Variants in PUM1 observed in about 807,000 individuals in gnomAD.
The protein encoded by PUM1 is pumilio RNA binding family member 1, also known as pumilio homolog 1.
A neutral mutation model predicts 131.8 loss-of-function variants in PUM1; 13 were observed. The observed-to-expected ratio is 0.10, with a 90% CI of 0.06 to 0.16. The LOEUF is 0.16. Ranked by LOEUF, PUM1 falls within the 10% of genes least tolerant of loss-of-function variation. The probability of loss-of-function intolerance (pLI) is 1.00; values close to 1 mark genes in which losing one functional copy is unlikely to be tolerated. For synonymous variants in PUM1, 509 were observed against 556.5 expected (o/e 0.91, Z 1.20); for missense variants, 961 against 1,512.4 (o/e 0.64, Z 6.05).
At chr1:30,997,673 T>C (rs565626319) in intron 5 of PUM1, among the ~76,000 whole-genome samples, 7 of 152,268 alleles carry the variant, frequency 4.6e-5, no homozygotes, top group African/African-American at 1.7e-4. Context: ...TCAGCTCTTC[T>C]ACATGCTGAC....
chr1:30,995,255 C>A, intron 5 of PUM1, 35 bp from the exon 6 acceptor site: 4 of 1,611,412 alleles, frequency 2.5e-6, no homozygotes, highest in Non-Finnish European at 3.4e-6. Flanking sequence ...CACTAATCGT[C>A]ATCAACTAAT....
rs189401714 is a variant in PUM1, at chr1:31,029,562, G to C, written c.364-698C>G. On this transcript the variant is annotated intron_variant, in intron 2 of 21. Coordinates refer to ENST00000426105, the MANE Select transcript of PUM1 (RefSeq NM_001020658.2). The stretch of plus-strand genomic sequence containing the variant: ...AAGGTAATAACATCAAGGATGATGT[G>C]TGAAATAGATTATTCAAAACAGTTA... Among the ~76,000 whole-genome samples the C allele has an allele frequency of 9.8e-4, 150 of 152,336 alleles. No individual in the cohort carries two copies. The Middle Eastern group carries it at 0.014, about 14-fold the overall frequency.
chr1:30,933,439 TACAC>T (rs58664754), intron 21 of PUM1, 97 bp from the exon 22 acceptor site: 28,983 of 359,384 alleles, frequency 0.081, 278 homozygotes, highest in African/African-American at 0.11. Context: ...CACACACACA[TACAC>T]ACACACACAC....
At chr1:30,941,516 T>A (rs1005901692) in intron 19 of PUM1, among the ~76,000 whole-genome samples, 1 of 152,230 alleles carries the variant, frequency 6.6e-6, no homozygotes, top group African/African-American at 2.4e-5. Flanking sequence ...GGGAGTGTTA[T>A]GGCAGTAAAT....
chr1:30,947,657 T>G (rs976255934), intron 17 of PUM1, among the ~76,000 whole-genome samples: 1 of 152,172 alleles, frequency 6.6e-6, no homozygotes, highest in African/African-American at 2.4e-5. Context: ...CTCTGTACAT[T>G]GGCTAAACTG....
chr1:31,010,644 C>T (rs892787400), intron 3 of PUM1, among the ~76,000 whole-genome samples: 20 of 152,166 alleles, frequency 1.3e-4, no homozygotes, highest in South Asian at 2.1e-4. Flanking sequence ...TGAGATCCTC[C>T]GTCCAACAAC....
chr1:31,021,587 T>G (rs965083300), intron 3 of PUM1, among the ~76,000 whole-genome samples: 7 of 152,196 alleles, frequency 4.6e-5, no homozygotes, highest in Admixed American at 1.3e-4. Flanking sequence ...CAAATCATTA[T>G]GTATAAAACA....
intron 11 of PUM1, 142 bp downstream of exon 11, chr1:30,968,212 G>T: frequency 1.8e-6 from 2 of 1,112,738 alleles, no homozygotes; most frequent in Non-Finnish European, 2.7e-6. Flanking sequence ...CTAAGTGAGG[G>T]CAAGTGTGTA....
intron 7 of PUM1, among the ~76,000 whole-genome samples, chr1:30,986,017 C>A (rs1641543572): frequency 6.6e-6 from 1 of 151,918 alleles, no homozygotes. Flanking sequence ...TGCAGTGGTG[C>A]GATCTTGGCT....
chr1:30,957,374 G>C (rs1640212063), intron 14 of PUM1, among the ~76,000 whole-genome samples: 1 of 152,074 alleles, frequency 6.6e-6, no homozygotes, highest in African/African-American at 2.4e-5. Flanking sequence ...ATCTCATTTA[G>C]ATGGCGAATG....
intron 3 of PUM1, among the ~76,000 whole-genome samples, chr1:31,020,056 C>T (rs1642965275): frequency 6.6e-6 from 1 of 152,100 alleles, no homozygotes; most frequent in African/African-American, 2.4e-5. Context: ...CAACCCTTGC[C>T]TCCCTCCTTC....
rs776728031 is a variant in PUM1, at chr1:30,933,301, G to A, written c.3477C>T (p.Gly1159=). ...TCTCCAGCTTGGCCAGAATGTGCTT[G>A]CCATAGGTGTACTTACGAAGAGTTG... ...HIATLRKYTY[G]KHILAKLEKY... is the part of the protein sequence containing the mutation. The change falls in exon 22 of 22, where the codon GGC becomes GGT. Residue 1159 remains glycine, a synonymous_variant. Coordinates refer to ENST00000426105, the MANE Select transcript of PUM1 (RefSeq NM_001020658.2). 30 of 1,613,664 alleles carry A rather than the reference G, an allele frequency of 1.9e-5. No individual in the cohort carries two copies. Among genetic ancestry groups the A allele is most frequent in the Non-Finnish European group, 2.3e-5 (27 of 1,179,766 alleles).
At position 31,060,725 on chromosome 1, in the gene PUM1, G is replaced by A. The variant is rs558049316; in HGVS notation, c.-11-1148C>T. Reference sequence around the variant, plus strand: ...ACATTATGAAACCCCATCTCTACTGGAAATACAAAAATTAACTGGGTGTGG... The same window carrying A: ...ACATTATGAAACCCCATCTCTACTGAAAATACAAAAATTAACTGGGTGTGG... On this transcript the variant is annotated intron_variant, in intron 1 of 21. Coordinates refer to ENST00000426105, the MANE Select transcript of PUM1 (RefSeq NM_001020658.2). Among the ~76,000 whole-genome samples, 3 of 151,518 alleles carry A rather than the reference G, an allele frequency of 2.0e-5. No individual in the cohort carries two copies. The South Asian group carries it at 6.3e-4, about 32-fold the overall frequency.
intron 2 of PUM1, chr1:31,055,372 T>A (rs1644213019): frequency 2.2e-6 from 1 of 456,244 alleles, no homozygotes; most frequent in South Asian, 1.5e-5. Flanking sequence ...GAAAGTTTCA[T>A]AATACCTCCT....
intron 9 of PUM1, among the ~76,000 whole-genome samples, chr1:30,979,395 A>G (rs183041302): frequency 6.6e-6 from 1 of 152,318 alleles, no homozygotes; most frequent in East Asian, 1.9e-4. Flanking sequence ...ACATATGTAG[A>G]GACCTGTATG....
intron 14 of PUM1, among the ~76,000 whole-genome samples, chr1:30,957,879 C>G (rs1640235678): frequency 6.6e-6 from 1 of 152,216 alleles, no homozygotes; most frequent in South Asian, 2.1e-4. Flanking sequence ...CTCTCCAATT[C>G]ATTCTCCAAC....
chr1:30,933,431 C>T, intron 21 of PUM1, 89 bp from the exon 22 acceptor site: 1 of 850,236 alleles, frequency 1.2e-6, no homozygotes, highest in Admixed American at 1.9e-5. Context: ...TCATGCATCA[C>T]ACACACATAC....
At chr1:30,965,545 T>C (rs1166670558) in intron 13 of PUM1, among the ~76,000 whole-genome samples, 1 of 152,176 alleles carries the variant, frequency 6.6e-6, no homozygotes, top group Non-Finnish European at 1.5e-5. Flanking sequence ...ATTTTCCACA[T>C]GTCTACCTTA....
At chr1:30,965,203 G>A (rs564087656) in intron 13 of PUM1, among the ~76,000 whole-genome samples, 8 of 152,238 alleles carry the variant, frequency 5.3e-5, no homozygotes, top group African/African-American at 1.9e-4. Context: ...TGGAAAAGGT[G>A]GAAGAAAATG....
Sources: gnomAD v4.1 joint callset for allele counts (sites outside exome capture counted in the v4.1 genomes callset) on GRCh38, gnomAD v4.1.1 for gene constraint, MANE v1.5 for transcripts, NCBI Gene and HGNC (gene_info 2026-07-23, HGNC 2026-07-21) for gene names.